Variants in KAT14 observed in about 807,000 individuals in gnomAD.
The protein encoded by KAT14 is cysteine-rich protein 2-binding protein.
In KAT14, 66 loss-of-function variants were observed where a neutral mutation model predicts 78.4. That is an observed-to-expected ratio of 0.84 (90% CI 0.69 to 1.03). The LOEUF (loss-of-function observed/expected upper bound fraction) is 1.03, where lower values mean the gene tolerates loss of function less well. KAT14 is among the 50% of genes least tolerant of loss of function. KAT14 has a pLI of 0.00. For synonymous variants in KAT14, 344 were observed against 359.4 expected, an observed-to-expected ratio of 0.96 and a Z score of 0.48; for missense variants, 870 against 972.5, an observed-to-expected ratio of 0.89 and a Z score of 1.40.
At chr20:18,139,318 T>C (rs960632701) in intron 1 of KAT14, among the ~76,000 whole-genome samples, 1 of 152,156 alleles carries the variant, frequency 6.6e-6, no homozygotes, top group African/African-American at 2.4e-5. Context: ...CTGGGAAAAC[T>C]TGAGATGGAG....
Position 18,142,497 on chromosome 20 carries a change from T to C in KAT14, c.-164T>C. 1 of 1,457,518 alleles carries C rather than the reference T, an allele frequency of 6.9e-7. No homozygotes were observed. Among genetic ancestry groups the C allele is most frequent in the Non-Finnish European group, 9.0e-7 (1 of 1,108,866 alleles). The allele number at this position is 1,457,518 out of a possible 1,614,324, so 90.3% of individuals were successfully genotyped here. A position where few individuals can be genotyped will look rare whatever the true frequency, so the allele number is the denominator to read the frequency against. ...ATCAAATAAAGGACAGTGGGTCATA[T>C]AAGTTACTGCTTTCAGGGTCCCTTA... On this transcript the variant is annotated 5_prime_UTR_variant, in exon 2 of 11. Coordinates refer to ENST00000688188, the MANE Select transcript of KAT14 (RefSeq NM_001392073.1).
At chr20:18,151,063 C>T in intron 4 of KAT14, 121 bp downstream of exon 4, 2 of 1,345,726 alleles carry the variant, frequency 1.5e-6, no homozygotes, top group Non-Finnish European at 1.0e-6. Context: ...GAGATAGAGT[C>T]TCCCAGGCTG....
chr20:18,138,105 G>T, intron 1 of KAT14, 54 bp downstream of exon 1: 1 of 1,425,040 alleles, frequency 7.0e-7, no homozygotes, highest in Non-Finnish European at 9.1e-7. Context: ...GTCGACCTGG[G>T]GCCTCTCGTG....
chr20:18,145,837 G>T (rs1427292166), intron 3 of KAT14, among the ~76,000 whole-genome samples: 2 of 151,942 alleles, frequency 1.3e-5, no homozygotes, highest in African/African-American at 4.8e-5. Context: ...AGAGGCTTGA[G>T]AATCTCATGA....
chr20:18,140,981 C>T (rs899758122), intron 1 of KAT14, among the ~76,000 whole-genome samples: 10 of 145,950 alleles, frequency 6.9e-5, no homozygotes, highest in Admixed American at 4.1e-4. Flanking sequence ...CCTCAGCCTC[C>T]GGAGTAGCTG....
Position 18,142,817 on chromosome 20 carries a change from G to T in KAT14, c.157G>T (p.Asp53Tyr), listed in dbSNP as rs760131098. Residue 53 changes from aspartate (D) to tyrosine (Y), a missense_variant, in exon 2 of 11, where the codon GAC becomes TAC. By Grantham distance (160) the Asp-to-Tyr change is radical. Transcript: ENST00000688188. ...TCAGGCATCAGTGGACTTATCGCAC[G>T]ACCAGAGTGGGGATTCCCTCAACAG... The part of the protein sequence containing the change: ...EDQASVDLSH[D>Y]QSGDSLNSDE... The T allele has an allele frequency of 3.7e-6, 6 of 1,614,184 alleles. No individual in the cohort carries two copies. The highest frequency in any genetic ancestry group is 5.1e-6 in the Non-Finnish European group (6 of 1,180,042).
intron 4 of KAT14, among the ~76,000 whole-genome samples, chr20:18,152,592 C>G (rs1388311880): frequency 6.6e-6 from 1 of 151,360 alleles, no homozygotes; most frequent in Non-Finnish European, 1.5e-5. Context: ...AACAAACAAC[C>G]AACCAAAAAA....
In KAT14 at chr20:18,142,506, G is replaced by A; in HGVS notation, c.-155G>A. On this transcript the variant is annotated 5_prime_UTR_variant, in exon 2 of 11. Coordinates refer to ENST00000688188, the MANE Select transcript of KAT14 (RefSeq NM_001392073.1). ...AGGACAGTGGGTCATATAAGTTACT[G>A]CTTTCAGGGTCCCTTATATCTGAAT... 1 of 1,459,410 alleles carries A rather than the reference G, an allele frequency of 6.9e-7. No homozygotes were observed. The highest frequency in any genetic ancestry group is 2.5e-5 in the East Asian group (1 of 40,306). The allele number at this position is 1,459,410 out of a possible 1,614,324, so 90.4% of individuals were successfully genotyped here. A position where few individuals can be genotyped will look rare whatever the true frequency, so the allele number is the denominator to read the frequency against.
intron 1 of KAT14, among the ~76,000 whole-genome samples, chr20:18,139,790 A>T (rs186173634): frequency 6.6e-6 from 1 of 152,114 alleles, no homozygotes. Flanking sequence ...AGGTTCAAGG[A>T]AGCAAGAAAT....
chr20:18,163,527 A>G (rs1030861245), intron 7 of KAT14, among the ~76,000 whole-genome samples: 4 of 152,208 alleles, frequency 2.6e-5, no homozygotes, highest in African/African-American at 4.8e-5. Flanking sequence ...AGCACTTGAC[A>G]CTAACCAGCC....
At chr20:18,161,588 A>G (rs1426391166) in intron 5 of KAT14, among the ~76,000 whole-genome samples, 1 of 152,234 alleles carries the variant, frequency 6.6e-6, no homozygotes, top group African/African-American at 2.4e-5. Context: ...TCCAAATCTG[A>G]AAATCCAAAA....
intron 4 of KAT14, among the ~76,000 whole-genome samples, chr20:18,152,674 A>G (rs950943989): frequency 6.6e-6 from 1 of 152,262 alleles, no homozygotes; most frequent in Non-Finnish European, 1.5e-5. Flanking sequence ...GACTGCATCT[A>G]TTTAGGTTGC....
chr20:18,168,107 T>C (rs868482667), intron 7 of KAT14, among the ~76,000 whole-genome samples: 2 of 152,376 alleles, frequency 1.3e-5, no homozygotes, highest in South Asian at 2.1e-4. Context: ...CATTTCACTT[T>C]TTCATTTAAA....
At chr20:18,176,374 C>G (rs1600237070) in intron 7 of KAT14, among the ~76,000 whole-genome samples, 1 of 151,818 alleles carries the variant, frequency 6.6e-6, no homozygotes, top group East Asian at 1.9e-4. Flanking sequence ...AGAGTAGGTC[C>G]CTGTCCTTAG....
intron 5 of KAT14, among the ~76,000 whole-genome samples, chr20:18,161,042 C>G (rs530285260): frequency 9.2e-5 from 14 of 152,082 alleles, no homozygotes; most frequent in Non-Finnish European, 1.8e-4. Flanking sequence ...GGCGTGATGG[C>G]GCATGCCTGT....
At chr20:18,139,676 T>TGTG (rs1568660990) in intron 1 of KAT14, among the ~76,000 whole-genome samples, 7 of 77,650 alleles carry the variant, frequency 9.0e-5, no homozygotes, top group Non-Finnish European at 2.2e-4. Flanking sequence ...GTGTGTGTGT[T>TGTG]TATTTTTTTT....
Position 18,162,436 on chromosome 20 carries a change from C to A in KAT14, c.1159C>A (p.Pro387Thr), listed in dbSNP as rs755029106. The change falls in exon 7 of 11, where the codon CCT becomes ACT. Residue 387 changes from proline (P) to threonine (T), a missense_variant. Transcript: ENST00000688188. ...IDPGMEYVPP[P>T]AGSVASGPVV... is the part of the protein sequence containing the mutation. ...CCCAGGGATGGAGTACGTCCCACCC[C>A]CTGCTGGGTCAGTAGCTTCTGGGCC... 4.3e-6 allele frequency: 7 copies of A among 1,613,996 alleles called. No individual in the cohort carries two copies. Among genetic ancestry groups the A allele is most frequent in the Non-Finnish European group, 5.9e-6 (7 of 1,180,030 alleles).
intron 7 of KAT14, among the ~76,000 whole-genome samples, chr20:18,170,595 C>G (rs543944838): frequency 1.3e-5 from 2 of 152,158 alleles, no homozygotes; most frequent in East Asian, 3.9e-4. Flanking sequence ...AGTGCAGTGG[C>G]GCAATCTCGG....
chr20:18,161,392 A>C (rs2038415712), intron 5 of KAT14, among the ~76,000 whole-genome samples: 1 of 152,118 alleles, frequency 6.6e-6, no homozygotes, highest in Non-Finnish European at 1.5e-5. Context: ...TAGGTGAAAG[A>C]TAGTATTTAT....
Sources: gnomAD v4.1 joint callset for allele counts (sites outside exome capture counted in the v4.1 genomes callset) on GRCh38, gnomAD v4.1.1 for gene constraint, MANE v1.5 for transcripts, NCBI Gene and HGNC (gene_info 2026-07-23, HGNC 2026-07-21) for gene names.